Variants in OR1J2 observed in about 807,000 individuals in gnomAD.
OR1J2 encodes the protein olfactory receptor family 1 subfamily J member 2.
For synonymous variants in OR1J2, 142 were observed against 99.7 expected, an observed-to-expected ratio of 1.42 and a Z score of -2.52; for missense variants, 304 against 246.1, an observed-to-expected ratio of 1.24 and a Z score of -1.57.
chr9:122,557,345 A>G, the OR1J2 span, among the ~76,000 whole-genome samples: 41,402 of 151,888 alleles, frequency 0.27, 5,813 homozygotes, highest in Middle Eastern at 0.34. Context: ...TAAGTATGAT[A>G]TTAACTGTAG....
the OR1J2 span, among the ~76,000 whole-genome samples, chr9:122,472,167 G>C: frequency 6.6e-6 from 1 of 152,106 alleles, no homozygotes; most frequent in East Asian, 1.9e-4. Context: ...GGATACAAAT[G>C]TGTGTTAGTC....
At chr9:122,510,729 C>A, upstream of OR1J2, 1 of 879,928 alleles carries the variant, frequency 1.1e-6, no homozygotes. Context: ...TTTAATATGA[C>A]TGCTAAAAAT....
At chr9:122,485,279 A>G in the OR1J2 span, among the ~76,000 whole-genome samples, 1 of 152,186 alleles carries the variant, frequency 6.6e-6, no homozygotes. Context: ...ATATTTATGA[A>G]TGCTTTACTA....
the OR1J2 span, among the ~76,000 whole-genome samples, chr9:122,554,455 G>T: frequency 6.6e-6 from 1 of 152,152 alleles, no homozygotes; most frequent in Non-Finnish European, 1.5e-5. Flanking sequence ...CAAGGCATTT[G>T]TTATGAGGCT....
the OR1J2 span, among the ~76,000 whole-genome samples, chr9:122,493,653 C>T: frequency 6.4e-4 from 97 of 152,138 alleles, no homozygotes; most frequent in Admixed American, 1.2e-3. Context: ...AAATAACCAG[C>T]ATTTTGTTTT....
At chr9:122,451,405 C>T in the OR1J2 span, among the ~76,000 whole-genome samples, 270 of 151,968 alleles carry the variant, frequency 1.8e-3, no homozygotes, top group African/African-American at 5.9e-3. Flanking sequence ...GGCTGGTCTC[C>T]AATTCCCAAC....
In OR1J2 at chr9:122,511,674, C is replaced by G. The variant is rs1828640435; in HGVS notation, c.873C>G (p.Ser291Arg). 1 of 781,012 alleles carries G rather than the reference C, an allele frequency of 1.3e-6. No individual in the cohort carries two copies. The highest frequency in any genetic ancestry group is 1.7e-5 in the Admixed American group (1 of 59,032). The allele number at this position is 781,012 out of a possible 1,614,324, so 48.4% of individuals were successfully genotyped here. A position where few individuals can be genotyped will look rare whatever the true frequency, so the allele number is the denominator to read the frequency against. The part of the protein sequence containing the change: ...VTPMLNPFIY[S>R]LRNRDMKEAL... ...CCATGTTGAACCCCTTTATCTACAGCCTTAGGAACAGGGACATGAAAGAGG... is the reference window on the plus strand; with the variant it reads ...CCATGTTGAACCCCTTTATCTACAGGCTTAGGAACAGGGACATGAAAGAGG... Residue 291 changes from serine to arginine, a missense_variant, in exon 1 of 1, where the codon AGC becomes AGG. Transcript: ENST00000335302.
chr9:122,509,171 G>A (rs1400187433), upstream of OR1J2, among the ~76,000 whole-genome samples: 2 of 152,112 alleles, frequency 1.3e-5, no homozygotes, highest in East Asian at 3.9e-4. Context: ...ATCCCACCTT[G>A]GAATGCACCA....
chr9:122,567,126 C>G, the OR1J2 span: 1 of 144,554 alleles, frequency 6.9e-6, no homozygotes, highest in Admixed American at 6.7e-5. Context: ...CCTCCTCTTC[C>G]TTCATTCTTT....
At chr9:122,520,430 A>G in the OR1J2 span, among the ~76,000 whole-genome samples, 208 of 152,274 alleles carry the variant, frequency 1.4e-3, 1 homozygote, top group East Asian at 0.013. Flanking sequence ...TTGTAAAGGC[A>G]TTTCCCTTTC....
At chr9:122,561,531 G>A in the OR1J2 span, among the ~76,000 whole-genome samples, 2 of 152,046 alleles carry the variant, frequency 1.3e-5, no homozygotes, top group Non-Finnish European at 2.9e-5. Context: ...TTGTGGGGAC[G>A]TTTTTTGTTC....
chr9:122,500,037 C>CTG, the OR1J2 span, among the ~76,000 whole-genome samples: 1 of 152,226 alleles, frequency 6.6e-6, no homozygotes, highest in Non-Finnish European at 1.5e-5. Context: ...ATAGTTCTGG[C>CTG]TGTAGAGGTC....
chr9:122,479,722 G>A, the OR1J2 span, among the ~76,000 whole-genome samples: 5 of 152,166 alleles, frequency 3.3e-5, no homozygotes, highest in Non-Finnish European at 7.4e-5. Flanking sequence ...ATATGAGCTG[G>A]ATGTCTTATT....
chr9:122,452,948 A>G, the OR1J2 span, among the ~76,000 whole-genome samples: 1 of 150,660 alleles, frequency 6.6e-6, no homozygotes, highest in Admixed American at 6.7e-5. Context: ...GAATTGCTTG[A>G]ACCCGGGAGG....
At chr9:122,469,393 T>C in the OR1J2 span, among the ~76,000 whole-genome samples, 5 of 152,182 alleles carry the variant, frequency 3.3e-5, no homozygotes, top group Non-Finnish European at 2.9e-5. Context: ...CTTCCTCATT[T>C]TCTCTTGCCA....
chr9:122,459,048 G>A, the OR1J2 span, among the ~76,000 whole-genome samples: 1 of 152,110 alleles, frequency 6.6e-6, no homozygotes, highest in South Asian at 2.1e-4. Flanking sequence ...ATATGAGTGA[G>A]AACATGCAAT....
the OR1J2 span, among the ~76,000 whole-genome samples, chr9:122,555,087 CAT>C: frequency 2.0e-5 from 3 of 152,032 alleles, no homozygotes; most frequent in Admixed American, 1.3e-4. Context: ...TGTTTTGAAA[CAT>C]GTAGATATTT....
At chr9:122,448,831 C>G in the OR1J2 span, 3 of 152,108 alleles carry the variant, frequency 2.0e-5, no homozygotes, top group African/African-American at 7.2e-5. Flanking sequence ...CAAGGCAAAA[C>G]AATTTTTCAG....
chr9:122,458,211 T>C, the OR1J2 span, among the ~76,000 whole-genome samples: 1 of 152,238 alleles, frequency 6.6e-6, no homozygotes, highest in Non-Finnish European at 1.5e-5. Flanking sequence ...CTTAAAATGT[T>C]ATTCCCTTGT....
Sources: gnomAD v4.1 joint callset for allele counts (sites outside exome capture counted in the v4.1 genomes callset) on GRCh38, gnomAD v4.1.1 for gene constraint, MANE v1.5 for transcripts, NCBI Gene and HGNC (gene_info 2026-07-23, HGNC 2026-07-21) for gene names.